ESRRB: variants seen among roughly 807,000 people sequenced by gnomAD.
The protein encoded by ESRRB is estrogen related receptor beta.
In ESRRB, 16 loss-of-function variants were observed where a neutral mutation model predicts 46.0. The ratio of observed to expected loss-of-function variants is 0.35; its 90% CI spans 0.24 to 0.53. The LOEUF (loss-of-function observed/expected upper bound fraction) is 0.53. Among genes scored for constraint, ESRRB ranks in the 20% least tolerant of loss-of-function variants. The pLI, the probability that ESRRB is intolerant of heterozygous loss-of-function variation, is 0.93. For synonymous variants in ESRRB, 246 were observed against 259.6 expected (o/e 0.95, Z 0.50); for missense variants, 488 against 607.4 (o/e 0.80, Z 2.07).
intron 2 of ESRRB, among the ~76,000 whole-genome samples, chr14:76,440,907 G>A (rs925486947): frequency 3.3e-5 from 5 of 152,118 alleles, no homozygotes; most frequent in Non-Finnish European, 7.3e-5. Flanking sequence ...AATCAGCCGG[G>A]TGTAGTGTCA....
rs549076698 is a variant in ESRRB, at chr14:76,336,955, C to T, written c.2+26039C>T. Among the ~76,000 whole-genome samples the T allele has an allele frequency of 5.3e-5, 8 of 151,938 alleles. No individual in the cohort carries two copies. In the South Asian group the frequency reaches 1.2e-3, roughly 24 times the overall value. On this transcript the variant is annotated intron_variant, in intron 1 of 6. Coordinates refer to the ESRRB transcript ENST00000512784. ...AACTAGTAAAGGAAGGAAGCCAGGG[C>T]GATCTCCACCGCCCTTCACTATCCC...
chr14:76,496,459 GAAAGAACAGGCCAGTTTCA>G (rs1890434249), intron 6 of ESRRB, among the ~76,000 whole-genome samples: 2 of 152,182 alleles, frequency 1.3e-5, no homozygotes, highest in African/African-American at 2.4e-5. Context: ...AGGAAATGGG[GAAAGAACAGGCCAGTTTCA>G]GGGAGAGGCT....
chr14:76,405,915 T>A (rs964380731), intron 1 of ESRRB, among the ~76,000 whole-genome samples: 3 of 151,988 alleles, frequency 2.0e-5, no homozygotes, highest in African/African-American at 7.3e-5. Context: ...TGAGACCCTG[T>A]CTCAGAAAAA....
At chr14:76,406,059 C>T (rs1277720331) in intron 1 of ESRRB, among the ~76,000 whole-genome samples, 1 of 152,194 alleles carries the variant, frequency 6.6e-6, no homozygotes. Flanking sequence ...TTTGATCTTG[C>T]ATTTTTCCTT....
At chr14:76,465,011 A>C (rs1005815714) in intron 3 of ESRRB, among the ~76,000 whole-genome samples, 2 of 152,046 alleles carry the variant, frequency 1.3e-5, no homozygotes, top group Non-Finnish European at 2.9e-5. Flanking sequence ...GGATGTGAGA[A>C]CAGCAGGTCA....
chr14:76,347,690 A>T lies in ESRRB; in HGVS notation c.2+36774A>T, dbSNP rs1230616442. ...TCCAAAGTTGTACAGCTAGTAAGTG[A>T]TGGAGCCTGGACTCCAATCCAGTTC... On this transcript the variant is annotated intron_variant, in intron 1 of 6. Transcript: ENST00000512784. Among the ~76,000 whole-genome samples, 4 of 99,856 alleles carry T rather than the reference A, an allele frequency of 4.0e-5. 1 individual carries two copies. Among genetic ancestry groups the T allele is most frequent in the Non-Finnish European group, 8.6e-5 (4 of 46,626 alleles). 65.5% of individuals were successfully genotyped at this position (99,856 alleles called of 152,430 possible).
intron 1 of ESRRB, chr14:76,310,978 T>TCTCTCTCTCTCTC (rs1883723818): frequency 1.1e-5 from 4 of 362,684 alleles, no homozygotes; most frequent in African/African-American, 2.8e-5. Context: ...TCTGTCCCCT[T>TCTCTCTCTCTCTC]TCTCTCTCTC....
intron 1 of ESRRB, among the ~76,000 whole-genome samples, chr14:76,382,754 T>C (rs1010678114): frequency 5.3e-5 from 8 of 152,174 alleles, no homozygotes; most frequent in African/African-American, 1.9e-4. Flanking sequence ...AAAACAAAAG[T>C]TTTCCTGGGG....
intron 1 of ESRRB, among the ~76,000 whole-genome samples, chr14:76,346,997 C>T (rs1244840915): frequency 2.0e-5 from 3 of 152,194 alleles, no homozygotes; most frequent in Admixed American, 6.5e-5. Flanking sequence ...GCAAACACTG[C>T]CCGCAGAGCC....
chr14:76,375,973 C>A (rs1884746500), upstream of ESRRB, among the ~76,000 whole-genome samples: 1 of 148,726 alleles, frequency 6.7e-6, no homozygotes, highest in Non-Finnish European at 1.5e-5. Context: ...GTGGGGACCT[C>A]GCGCGCTGAG....
At chr14:76,466,040 C>T (rs1889095048) in intron 3 of ESRRB, among the ~76,000 whole-genome samples, 1 of 152,208 alleles carries the variant, frequency 6.6e-6, no homozygotes, top group South Asian at 2.1e-4. Context: ...CCTGGCTCTG[C>T]AGGCAAGGCC....
Position 76,428,865 on chromosome 14 carries a change from G to T in ESRRB, c.51-10476G>T, listed in dbSNP as rs80102104. On this transcript the variant is annotated intron_variant, in intron 1 of 6. Coordinates refer to ENST00000644823, the MANE Select transcript of ESRRB (RefSeq NM_001379180.1). ...CGGAATGAGATTTCAATCAGTTGTC[G>T]GGGATCAGCCTGGTTTTGACTAATC... Among the ~76,000 whole-genome samples the T allele has an allele frequency of 6.2e-4, 95 of 152,214 alleles. 5 individuals are homozygous for T. In the East Asian group the frequency reaches 0.015, roughly 24 times the overall value.
intron 1 of ESRRB, among the ~76,000 whole-genome samples, chr14:76,398,564 T>G (rs1242686724): frequency 2.0e-5 from 3 of 151,980 alleles, no homozygotes; most frequent in Non-Finnish European, 2.9e-5. Context: ...CTTGGCAGGG[T>G]GCAGTGGGTG....
At chr14:76,397,678 G>A (rs926355665) in intron 1 of ESRRB, among the ~76,000 whole-genome samples, 1 of 152,344 alleles carries the variant, frequency 6.6e-6, no homozygotes, top group East Asian at 1.9e-4. Flanking sequence ...GCCAAGGCAG[G>A]AGGATTGTTT....
chr14:76,476,579 T>C (rs1279576756), intron 3 of ESRRB, among the ~76,000 whole-genome samples: 1 of 152,218 alleles, frequency 6.6e-6, no homozygotes, highest in Non-Finnish European at 1.5e-5. Context: ...AATTGCCCAT[T>C]GTATCAGTCA....
At chr14:76,483,562 G>A (rs1470887036) in intron 5 of ESRRB, among the ~76,000 whole-genome samples, 4 of 152,246 alleles carry the variant, frequency 2.6e-5, no homozygotes, top group East Asian at 1.9e-4. Context: ...GGCAGATGGC[G>A]GGAGCTTTTT....
At chr14:76,386,550 G>A (rs1178018736) in intron 1 of ESRRB, among the ~76,000 whole-genome samples, 5 of 148,748 alleles carry the variant, frequency 3.4e-5, no homozygotes, top group African/African-American at 5.0e-5. Flanking sequence ...TCTGCCTCCC[G>A]GGTTCAAGCG....
chr14:76,356,494 C>T (rs1425357430), intron 1 of ESRRB, among the ~76,000 whole-genome samples: 2 of 152,158 alleles, frequency 1.3e-5, no homozygotes, highest in Non-Finnish European at 2.9e-5. Context: ...TATCCTGACT[C>T]TAGGATGACA....
chr14:76,395,192 G>T (rs900849535), intron 1 of ESRRB, among the ~76,000 whole-genome samples: 1 of 152,190 alleles, frequency 6.6e-6, no homozygotes, highest in Non-Finnish European at 1.5e-5. Context: ...GGCTCATGCT[G>T]GTCTTCCCGG....
Sources: allele counts gnomAD v4.1 joint callset (sites outside exome capture counted in the v4.1 genomes callset), GRCh38; gene constraint gnomAD v4.1.1; transcripts MANE v1.5; gene names NCBI Gene and HGNC (gene_info 2026-07-23, HGNC 2026-07-21).